EPAS1: variants seen among roughly 807,000 people sequenced by gnomAD.
The protein encoded by EPAS1 is endothelial PAS domain protein 1.
Under a neutral mutation model 87.9 loss-of-function variants are expected in EPAS1, and 23 were observed. The observed-to-expected ratio is 0.26, with a 90% CI of 0.19 to 0.37. The LOEUF (loss-of-function observed/expected upper bound fraction) is 0.37. EPAS1 is among the 10% of genes least tolerant of loss of function. The probability of loss-of-function intolerance (pLI) is 1.00; values close to 1 mark genes in which losing one functional copy is unlikely to be tolerated. For synonymous variants in EPAS1, 508 were observed against 444.3 expected (o/e 1.14, Z -1.80); for missense variants, 1,138 against 1,120.7 (o/e 1.02, Z -0.22).
intron 1 of EPAS1, among the ~76,000 whole-genome samples, chr2:46,309,740 G>A (rs915188135): frequency 6.6e-6 from 1 of 152,200 alleles, no homozygotes; most frequent in Admixed American, 6.5e-5. Context: ...TGGATCTGGA[G>A]CTCTGTTAGC....
At chr2:46,376,890 G>A in intron 9 of EPAS1, 137 bp downstream of exon 9, 1 of 878,478 alleles carries the variant, frequency 1.1e-6, no homozygotes, top group South Asian at 1.5e-5. Flanking sequence ...TTAATCACCT[G>A]TTAGAGGCCA....
Position 46,360,659 on chromosome 2 carries a change from G to A in EPAS1, c.476G>A (p.Ser159Asn), listed in dbSNP as rs1684366701. The stretch of plus-strand genomic sequence containing the variant: ...CCAGGCTCTGGTTTTGGGAAAAAAA[G>A]CAAAGACATGTCCACAGAGCGGGAC... ...LKNGSGFGKK[S>N]KDMSTERDFF... The change falls in exon 5 of 16, where the codon AGC (serine) becomes AAC (asparagine). Residue 159 changes from serine to asparagine, a missense_variant. Ser to Asn is a conservative substitution (Grantham distance 46, BLOSUM62 1). This residue lies in a region of EPAS1 where 351 missense variants were observed against 417.1 expected (regional missense o/e 0.84). Transcript: ENST00000263734. The surrounding 1 kb of genome is among the most constrained non-coding windows in gnomAD (Gnocchi z 4.5). 6.2e-7 allele frequency: 1 copy of A among 1,613,890 alleles called. No homozygotes were observed. Among genetic ancestry groups the A allele is most frequent in the Non-Finnish European group, 8.5e-7 (1 of 1,179,934 alleles).
At chr2:46,384,003 T>TG (rs1684956261) in intron 15 of EPAS1, among the ~76,000 whole-genome samples, 1 of 152,066 alleles carries the variant, frequency 6.6e-6, no homozygotes, top group Non-Finnish European at 1.5e-5. Flanking sequence ...GTGCTGCGAG[T>TG]GTCCCCCCTG....
chr2:46,364,432 A>G (rs1276687012), intron 6 of EPAS1, among the ~76,000 whole-genome samples: 2 of 152,208 alleles, frequency 1.3e-5, no homozygotes, highest in Admixed American at 1.3e-4. Flanking sequence ...CCGACAGGAA[A>G]GAAGGGAGAG....
At chr2:46,327,982 A>C (rs1291651075) in intron 1 of EPAS1, among the ~76,000 whole-genome samples, 1 of 152,210 alleles carries the variant, frequency 6.6e-6, no homozygotes, top group African/African-American at 2.4e-5. Flanking sequence ...CGGGGGGGCT[A>C]CACGTACTCC....
At chr2:46,354,393 A>G (rs2103625560) in intron 2 of EPAS1, among the ~76,000 whole-genome samples, 1 of 152,182 alleles carries the variant, frequency 6.6e-6, no homozygotes, top group East Asian at 1.9e-4. Context: ...GATAAATACA[A>G]ATTTTCATAA....
intron 1 of EPAS1, among the ~76,000 whole-genome samples, chr2:46,305,659 A>G (rs927542875): frequency 1.3e-5 from 2 of 152,194 alleles, no homozygotes; most frequent in Non-Finnish European, 2.9e-5. Context: ...AATTCTATAA[A>G]GCCATGGAAG....
Position 46,368,189 on chromosome 2 carries a change from C to A in EPAS1, c.780-1638C>A, listed in dbSNP as rs373628618. 1.4e-4 allele frequency among the ~76,000 whole-genome samples: 21 copies of A among 152,258 alleles called. No homozygotes were observed. The East Asian group carries it at 2.9e-3, about 21-fold the overall frequency. On this transcript the variant is annotated intron_variant, in intron 6 of 15. Coordinates refer to ENST00000263734, the MANE Select transcript of EPAS1 (RefSeq NM_001430.5). ...ATGCATAATTTTCTGTAATATTGTG[C>A]ATACTCCTTAGGACTTCACGAGAGA...
chr2:46,297,777 G>T lies in EPAS1; in HGVS notation c.-135G>T. 3 of 1,245,572 alleles carry T rather than the reference G, an allele frequency of 2.4e-6. No individual in the cohort carries two copies. Among genetic ancestry groups the T allele is most frequent in the Non-Finnish European group, 3.4e-6 (3 of 881,162 alleles). 77.2% of individuals were successfully genotyped at this position (1,245,572 alleles called of 1,614,324 possible). ...GCCACCTTCCACCTGACTGCGCGGG[G>T]CGCTCGGGACCTGCGCGCACCTCGG... On this transcript the variant is annotated 5_prime_UTR_variant, in exon 1 of 16. Transcript: ENST00000263734.
chr2:46,299,861 T>C (rs79912671), intron 1 of EPAS1, among the ~76,000 whole-genome samples: 1,856 of 152,296 alleles, frequency 0.012, 34 homozygotes, highest in African/African-American at 0.043. Context: ...GGGAAGAACG[T>C]TGCGTAATTA....
chr2:46,381,374 C>T (rs751167336), intron 12 of EPAS1: 1 of 648,934 alleles, frequency 1.5e-6, no homozygotes, highest in Non-Finnish European at 2.7e-6. Context: ...AGCCATCCCC[C>T]AGACCAGGAG....
chr2:46,354,903 T>C (rs1684240725), intron 2 of EPAS1, among the ~76,000 whole-genome samples: 1 of 152,140 alleles, frequency 6.6e-6, no homozygotes, highest in Admixed American at 6.5e-5. Context: ...TTGCTCCAGG[T>C]GTTTTCCAGT....
intron 3 of EPAS1, 107 bp from the exon 4 acceptor site, chr2:46,356,617 A>G: frequency 1.1e-6 from 1 of 912,322 alleles, no homozygotes; most frequent in East Asian, 2.4e-5. Flanking sequence ...AGAAAACCCA[A>G]TTCAGTCTCC....
At chr2:46,340,926 G>C (rs1683899275) in intron 1 of EPAS1, among the ~76,000 whole-genome samples, 1 of 152,056 alleles carries the variant, frequency 6.6e-6, no homozygotes, top group Admixed American at 6.6e-5. Flanking sequence ...TTGCTGTGTT[G>C]CCCAGCTGGT....
Position 46,384,792 on chromosome 2 carries a change from G to A in EPAS1, c.*132G>A. On this transcript the variant is annotated 3_prime_UTR_variant, in exon 16 of 16. Transcript: ENST00000263734. ...CAAGATGGACTTACCTGGCAGACTT[G>A]CCCAGGTCACCAAGCAGTGGCCTTT... The A allele has an allele frequency of 8.2e-7, 1 of 1,224,604 alleles. No individual in the cohort carries two copies. The highest frequency in any genetic ancestry group is 1.2e-6 in the Non-Finnish European group (1 of 869,346). The allele number at this position is 1,224,604 out of a possible 1,614,324, so 75.9% of individuals were successfully genotyped here. A position where few individuals can be genotyped will look rare whatever the true frequency, so the allele number is the denominator to read the frequency against.
chr2:46,356,129 T>TGGCG, intron 2 of EPAS1, 22 bp from the exon 3 acceptor site: 1 of 1,242,738 alleles, frequency 8.0e-7, no homozygotes, highest in Non-Finnish European at 1.1e-6. Context: ...ATGCAAGCTG[T>TGGCG]CCCACCCCCC....
chr2:46,308,063 T>C (rs190247972), intron 1 of EPAS1, among the ~76,000 whole-genome samples: 10 of 152,252 alleles, frequency 6.6e-5, no homozygotes, highest in Admixed American at 3.3e-4. Flanking sequence ...TTCACCATCA[T>C]TCACTGTGCC....
At chr2:46,309,616 A>G (rs1683173125) in intron 1 of EPAS1, among the ~76,000 whole-genome samples, 1 of 152,204 alleles carries the variant, frequency 6.6e-6, no homozygotes, top group Non-Finnish European at 1.5e-5. Context: ...TAGAATTTGG[A>G]TAGGCAGATG....
chr2:46,379,977 G>C (rs1012434365), intron 11 of EPAS1: 2 of 605,194 alleles, frequency 3.3e-6, no homozygotes, highest in East Asian at 2.9e-5. Context: ...GGGGAGAGGA[G>C]AACATTTCTC....
Sources: allele counts gnomAD v4.1 joint callset (sites outside exome capture counted in the v4.1 genomes callset), GRCh38; gene constraint gnomAD v4.1.1; regional missense constraint gnomAD v4.1.1; non-coding constraint Gnocchi (gnomAD v3.1); transcripts MANE v1.5; gene names NCBI Gene and HGNC (gene_info 2026-07-23, HGNC 2026-07-21).